KCNAB2: variants seen among roughly 807,000 people sequenced by gnomAD.
KCNAB2 encodes voltage-gated potassium channel subunit beta-2.
Under a neutral mutation model 63.6 loss-of-function variants are expected in KCNAB2, and 29 were observed. The ratio of observed to expected loss-of-function variants is 0.46; its 90% CI spans 0.34 to 0.62. KCNAB2 has a LOEUF of 0.62. Among genes scored for constraint, KCNAB2 ranks in the 20% least tolerant of loss-of-function variants. The pLI, the probability that KCNAB2 is intolerant of heterozygous loss-of-function variation, is 0.01. For synonymous variants in KCNAB2, 222 were observed against 224.2 expected (o/e 0.99, Z 0.09); for missense variants, 359 against 563.9 (o/e 0.64, Z 3.68).
At chr1:6,054,188 A>G (rs945035131) in intron 2 of KCNAB2, among the ~76,000 whole-genome samples, 2 of 152,186 alleles carry the variant, frequency 1.3e-5, no homozygotes, top group East Asian at 1.9e-4. Context: ...TAAGAAGGCC[A>G]TGTGGTGATA....
chr1:6,006,628 C>T (rs866086295), intron 1 of KCNAB2, among the ~76,000 whole-genome samples: 5 of 10,888 alleles, frequency 4.6e-4, no homozygotes, highest in African/African-American at 2.5e-3. Context: ...CCCCCCACTC[C>T]ACCCTCACCC....
At chr1:6,045,764 G>A (rs1031690951), upstream of KCNAB2, among the ~76,000 whole-genome samples, 10 of 152,144 alleles carry the variant, frequency 6.6e-5, no homozygotes, top group Non-Finnish European at 1.0e-4. The surrounding 1 kb of genome is among the most constrained non-coding windows in gnomAD (Gnocchi z 4.8). Flanking sequence ...TGCCCCTTTC[G>A]ACCTGTGGGT....
intron 2 of KCNAB2, among the ~76,000 whole-genome samples, chr1:6,057,207 G>T (rs1451396210): frequency 6.6e-6 from 1 of 151,730 alleles, no homozygotes; most frequent in East Asian, 1.9e-4. Flanking sequence ...CGGTCCTTGG[G>T]CACTGACCCT....
At chr1:6,006,640 TCAGCTCAGGTCCCACATCCCCCACTTC>T (rs1217701140) in intron 1 of KCNAB2, among the ~76,000 whole-genome samples, 2 of 9,254 alleles carry the variant, frequency 2.2e-4, no homozygotes, top group Non-Finnish European at 4.8e-4. Context: ...CCCTCACCCC[TCAGCTCAGGTCCCACATCCCCCACTTC>T]ACCCTCCACC....
chr1:6,031,902 AAGAG>A (rs896903497), upstream of KCNAB2, among the ~76,000 whole-genome samples: 2 of 151,896 alleles, frequency 1.3e-5, no homozygotes, highest in Non-Finnish European at 2.9e-5. This position sits in a 1 kb window ranked among gnomAD's most constrained non-coding sequence, Gnocchi z 4.1. Context: ...AAAAGAAAGA[AAGAG>A]AGAGGGGCAT....
intron 1 of KCNAB2, among the ~76,000 whole-genome samples, chr1:6,021,904 T>C (rs1389260096): frequency 2.7e-5 from 4 of 150,840 alleles, no homozygotes; most frequent in Non-Finnish European, 4.4e-5. Context: ...TCAGTGGTAT[T>C]GAGGGTAAAG....
chr1:6,054,623 G>A (rs1033780248), intron 2 of KCNAB2, among the ~76,000 whole-genome samples: 3 of 152,158 alleles, frequency 2.0e-5, no homozygotes, highest in East Asian at 1.9e-4. Context: ...GTGGGCAAGC[G>A]GCTCAAGAAC....
Position 6,086,107 on chromosome 1 carries a change from G to A in KCNAB2, c.425+859G>A. 1 of 985,392 alleles carries A rather than the reference G, an allele frequency of 1.0e-6. No homozygotes were observed. The highest frequency in any genetic ancestry group is 1.2e-6 in the Non-Finnish European group (1 of 829,934). The allele number at this position is 985,392 out of a possible 1,614,324, so 61.0% of individuals were successfully genotyped here. A position where few individuals can be genotyped will look rare whatever the true frequency, so the allele number is the denominator to read the frequency against. ...CCTGGACACAGCTTTATCTCAAGGT[G>A]CTGACAAGCCCCGGGGCCCTGTTCC... On this transcript the variant is annotated intron_variant, in intron 6 of 15. Transcript: ENST00000378083. The surrounding 1 kb of genome is among the most constrained non-coding windows in gnomAD (Gnocchi z 4.2).
intron 2 of KCNAB2, among the ~76,000 whole-genome samples, chr1:6,062,089 G>T (rs1026822112): frequency 2.0e-5 from 3 of 152,028 alleles, no homozygotes; most frequent in African/African-American, 7.2e-5. Flanking sequence ...AAGGCAGGCG[G>T]ATCGCCTGAG....
upstream of KCNAB2, among the ~76,000 whole-genome samples, chr1:6,043,546 C>T (rs1002140984): frequency 6.6e-6 from 1 of 152,242 alleles, no homozygotes; most frequent in East Asian, 1.9e-4. Context: ...CCATCCTACC[C>T]GTTGGATCTC....
chr1:6,003,480 G>A lies in KCNAB2; in HGVS notation c.-53+10692G>A, dbSNP rs1256009392. 6.6e-6 allele frequency among the ~76,000 whole-genome samples: 1 copy of A among 152,190 alleles called. No individual in the cohort carries two copies. The highest frequency in any genetic ancestry group is 1.5e-5 in the Non-Finnish European group (1 of 68,038). On this transcript the variant is annotated intron_variant, in intron 1 of 16. Transcript: ENST00000341524. The surrounding 1 kb of genome is among the most constrained non-coding windows in gnomAD (Gnocchi z 4.1). ...CTTAGCGCGAGCCCTGCCCCAGCCA[G>A]GAGCACTCACTGAGTGGCCACATTA...
At chr1:6,063,906 G>T (rs1220191529) in intron 2 of KCNAB2, among the ~76,000 whole-genome samples, 1 of 152,200 alleles carries the variant, frequency 6.6e-6, no homozygotes, top group Non-Finnish European at 1.5e-5. Context: ...CTAGCGGGGG[G>T]ATTGCCTGGT....
intron 10 of KCNAB2, among the ~76,000 whole-genome samples, chr1:6,093,171 C>T (rs780945014): frequency 1.3e-5 from 2 of 152,252 alleles, no homozygotes; most frequent in African/African-American, 4.8e-5. Flanking sequence ...AGCTTCCACG[C>T]AGCATGGGCA....
intron 1 of KCNAB2, among the ~76,000 whole-genome samples, chr1:6,002,305 C>A (rs1657302664): frequency 6.6e-6 from 1 of 152,250 alleles, no homozygotes. Context: ...CAGATACAAT[C>A]CTGCTCTGAG....
At chr1:6,001,327 C>T (rs528721515) in intron 1 of KCNAB2, among the ~76,000 whole-genome samples, 1 of 151,408 alleles carries the variant, frequency 6.6e-6, no homozygotes, top group Non-Finnish European at 1.5e-5. Flanking sequence ...CACACACACA[C>T]ACACTCTCCC....
chr1:6,101,116 G>A lies in KCNAB2; in HGVS notation c.*2542G>A, dbSNP rs559972676. On this transcript the variant is annotated 3_prime_UTR_variant, in exon 16 of 16. Coordinates refer to ENST00000378083, the MANE Select transcript of KCNAB2 (RefSeq NM_001199862.2). ...TGTCCTATGCCTCGAGCTTCCAAAC[G>A]AGACTCAGACCGCGACACAGCCACC... The A allele has an allele frequency of 6.4e-4, 98 of 152,224 alleles. No homozygotes were observed. The highest frequency in any genetic ancestry group is 2.3e-3 in the African/African-American group (95 of 41,528). 9.4% of individuals were successfully genotyped at this position (152,224 alleles called of 1,614,324 possible).
chr1:6,093,304 C>T (rs966256695), intron 10 of KCNAB2, among the ~76,000 whole-genome samples: 2 of 152,244 alleles, frequency 1.3e-5, no homozygotes, highest in African/African-American at 2.4e-5. Context: ...CTTGCAAGCA[C>T]TGTATCCGAC....
chr1:6,073,764 C>G lies in KCNAB2; in HGVS notation c.294C>G (p.Thr98=). ...GTWVTFGGQI[T]DEMAEQLMTL... is the part of the protein sequence containing the mutation. ...GGGTGACCTTCGGAGGCCAGATCAC[C>G]GATGAGGTAAGATGGGGCTCTCCCA... The change falls in exon 4 of 16, where the codon ACC becomes ACG. Residue 98 remains threonine (T), a synonymous_variant. Coordinates refer to ENST00000378083, the MANE Select transcript of KCNAB2 (RefSeq NM_001199862.2). The surrounding 1 kb of genome is among the most constrained non-coding windows in gnomAD (Gnocchi z 5.7). 6.2e-7 allele frequency: 1 copy of G among 1,614,148 alleles called. No individual in the cohort carries two copies. The highest frequency in any genetic ancestry group is 1.1e-5 in the South Asian group (1 of 91,086).
rs1047165910 is a variant in KCNAB2 at position 6,082,647 on chromosome 1, G to A, written c.380+373G>A. Among the ~76,000 whole-genome samples the A allele has an allele frequency of 8.5e-5, 13 of 152,310 alleles. No individual in the cohort carries two copies. The East Asian group carries it at 2.5e-3, about 29-fold the overall frequency. The stretch of plus-strand genomic sequence containing the variant: ...AGGGCTGCAGGGCCTCAGAGCTGGG[G>A]AGGGCAGGCTCCGGCCAAGTGCTGT... On this transcript the variant is annotated intron_variant, in intron 5 of 15. Coordinates refer to ENST00000378083, the MANE Select transcript of KCNAB2 (RefSeq NM_001199862.2).
Sources: allele counts gnomAD v4.1 joint callset (sites outside exome capture counted in the v4.1 genomes callset), GRCh38; gene constraint gnomAD v4.1.1; non-coding constraint Gnocchi (gnomAD v3.1); transcripts MANE v1.5; gene names NCBI Gene and HGNC (gene_info 2026-07-23, HGNC 2026-07-21).